TRPC5: variants seen among roughly 807,000 people sequenced by gnomAD.
TRPC5 encodes short transient receptor potential channel 5.
A neutral mutation model predicts 56.5 loss-of-function variants in TRPC5; 9 were observed. That is an observed-to-expected ratio of 0.16 (90% confidence interval 0.10 to 0.28). The LOEUF (loss-of-function observed/expected upper bound fraction) is 0.28, where lower values mean the gene tolerates loss of function less well. TRPC5 is among the 10% of genes least tolerant of loss of function. The pLI, the probability that TRPC5 is intolerant of heterozygous loss-of-function variation, is 1.00. For synonymous variants in TRPC5, 282 were observed against 278.5 expected, an observed-to-expected ratio of 1.01 and a Z score of -0.13; for missense variants, 469 against 748.9, an observed-to-expected ratio of 0.63 and a Z score of 4.36.
rs140460075 is a variant in TRPC5, at chrX:112,020,700, T to G, written c.-22+61179A>C. Among the ~76,000 whole-genome samples the G allele has an allele frequency of 1.2e-3, 131 of 111,842 alleles. 1 individual carries two copies. The highest frequency in any genetic ancestry group is 4.1e-3 in the African/African-American group (125 of 30,790). On this transcript the variant is annotated intron_variant, in intron 1 of 10. Transcript: ENST00000262839. ...GACCGTCAATGATCATATCTGACTCTGTCAAAGACTGAATTTAAAGGTATG... is the reference window on the plus strand; with the variant it reads ...GACCGTCAATGATCATATCTGACTCGGTCAAAGACTGAATTTAAAGGTATG...
At chrX:111,894,087 A>T (rs752127744) in intron 3 of TRPC5, among the ~76,000 whole-genome samples, 2 of 111,555 alleles carry the variant, frequency 1.8e-5, no homozygotes, top group East Asian at 5.6e-4. Flanking sequence ...TATGGAAAAA[A>T]ATTTTCCTGT....
At chrX:111,988,285 C>A (rs1461332140) in intron 1 of TRPC5, among the ~76,000 whole-genome samples, 2 of 111,537 alleles carry the variant, frequency 1.8e-5, no homozygotes, top group Non-Finnish European at 3.8e-5. Flanking sequence ...GAACAAGAAC[C>A]TGCTGACACC....
chrX:111,890,047 A>G (rs1422183646), intron 3 of TRPC5, among the ~76,000 whole-genome samples: 1 of 111,609 alleles, frequency 9.0e-6, no homozygotes, highest in Admixed American at 9.5e-5. Context: ...AGCCCTCTGT[A>G]TTGTGGGTTC....
intron 7 of TRPC5, among the ~76,000 whole-genome samples, chrX:111,831,268 G>C (rs1268052842): frequency 8.9e-6 from 1 of 112,394 alleles, no homozygotes; most frequent in African/African-American, 3.2e-5. Context: ...CAGTTGAGTA[G>C]CCATATCAGT....
intron 2 of TRPC5, among the ~76,000 whole-genome samples, chrX:111,945,233 T>C (rs966965615): frequency 1.8e-5 from 2 of 108,991 alleles, no homozygotes; most frequent in Non-Finnish European, 3.8e-5. Flanking sequence ...TAGTGGTTTC[T>C]ACAGTCAGTG....
chrX:112,033,672 T>G (rs994068925), intron 1 of TRPC5, among the ~76,000 whole-genome samples: 4 of 111,697 alleles, frequency 3.6e-5, no homozygotes, highest in Non-Finnish European at 7.5e-5. Context: ...GTTTTAGCTC[T>G]TATATTTAGG....
chrX:111,854,479 A>G (rs1923169435), intron 3 of TRPC5, among the ~76,000 whole-genome samples: 1 of 111,848 alleles, frequency 8.9e-6, no homozygotes, highest in Non-Finnish European at 1.9e-5. Flanking sequence ...AGGTCCTTCC[A>G]CAGACTGACT....
chrX:111,870,147 T>C (rs1010827011), intron 3 of TRPC5, among the ~76,000 whole-genome samples: 32 of 112,021 alleles, frequency 2.9e-4, no homozygotes, highest in Admixed American at 2.5e-3. Flanking sequence ...TGAGTCCCCA[T>C]GAAGTACCAA....
chrX:112,005,487 T>C lies in TRPC5; in HGVS notation c.-21-53046A>G, dbSNP rs1928815397. The stretch of plus-strand genomic sequence containing the variant: ...GTAAAAAAAAAAAAAAAAAAATATC[T>C]TACCAACTCCAGGGTCCCTCTCCCA... On this transcript the variant is annotated intron_variant, in intron 1 of 10. Coordinates refer to ENST00000262839, the MANE Select transcript of TRPC5 (RefSeq NM_012471.3). 2.0e-5 allele frequency among the ~76,000 whole-genome samples: 2 copies of C among 100,066 alleles called. 1 individual carries two copies. The highest frequency in any genetic ancestry group is 4.0e-5 in the Non-Finnish European group (2 of 50,193). The allele number at this position is 100,066 out of a possible 115,157, so 86.9% of individuals were successfully genotyped here. A position where few individuals can be genotyped will look rare whatever the true frequency, so the allele number is the denominator to read the frequency against.
intron 1 of TRPC5, among the ~76,000 whole-genome samples, chrX:112,001,803 T>C (rs1245253858): frequency 8.9e-6 from 1 of 111,765 alleles, no homozygotes; most frequent in Non-Finnish European, 1.9e-5. Context: ...TAGATGGAGA[T>C]TTTTGTTTGT....
At chrX:111,785,036 C>G (rs978896501) in intron 7 of TRPC5, among the ~76,000 whole-genome samples, 1 of 112,477 alleles carries the variant, frequency 8.9e-6, no homozygotes, top group Non-Finnish European at 1.9e-5. Context: ...TTAAACGTCC[C>G]TGTCTGACAG....
intron 7 of TRPC5, among the ~76,000 whole-genome samples, chrX:111,825,150 T>TTC (rs1569525904): frequency 0.05 from 876 of 17,407 alleles, 26 homozygotes; most frequent in African/African-American, 0.083. Context: ...TTCCTTCCTT[T>TTC]CTTTCTTTCT....
intron 3 of TRPC5, among the ~76,000 whole-genome samples, chrX:111,904,635 G>T (rs1216514241): frequency 2.7e-5 from 3 of 110,625 alleles, no homozygotes; most frequent in African/African-American, 9.9e-5. Flanking sequence ...GCCTGTTGGG[G>T]GCTGGGGTGG....
At chrX:112,029,888 C>T (rs1230555349) in intron 1 of TRPC5, among the ~76,000 whole-genome samples, 6 of 107,846 alleles carry the variant, frequency 5.6e-5, no homozygotes, top group Admixed American at 1.0e-4. Flanking sequence ...AGTGCAATGG[C>T]GCGATCTCGA....
At chrX:111,812,940 A>G (rs1163003436) in intron 7 of TRPC5, among the ~76,000 whole-genome samples, 4 of 112,378 alleles carry the variant, frequency 3.6e-5, no homozygotes, top group Admixed American at 2.8e-4. Context: ...ATACTTATCT[A>G]AAACTTTCCA....
At position 111,771,644 on chromosome X, in the gene TRPC5, A is replaced by G. The variant is rs1945843846; in HGVS notation, c.*4669T>C. 8.9e-6 allele frequency among the ~76,000 whole-genome samples: 1 copy of G among 111,878 alleles called. No individual in the cohort carries two copies. Among genetic ancestry groups the G allele is most frequent in the South Asian group, 3.7e-4 (1 of 2,679 alleles). On this transcript the variant is annotated 3_prime_UTR_variant, in exon 11 of 11. Transcript: ENST00000262839. The stretch of plus-strand genomic sequence containing the variant: ...TCCTAGGCCACGTACCAGCATATGA[A>G]TGAATATTAACACCTCAAGTATGCA...
intron 3 of TRPC5, among the ~76,000 whole-genome samples, chrX:111,859,123 A>T (rs762647813): frequency 1.5e-4 from 17 of 111,184 alleles, no homozygotes; most frequent in African/African-American, 5.6e-4. Context: ...GGCTTTTATG[A>T]TTTCCAGCTT....
chrX:111,929,537 T>C lies in TRPC5; in HGVS notation c.379-16725A>G, dbSNP rs895940193. Among the ~76,000 whole-genome samples the C allele has an allele frequency of 8.9e-5, 10 of 112,196 alleles. 1 individual carries two copies. In the Admixed American group the frequency reaches 9.5e-4, roughly 11 times the overall value. On this transcript the variant is annotated intron_variant, in intron 2 of 10. Transcript: ENST00000262839. ...CAGCTAAACAGTTATCCCTCACAAC[T>C]CCAGATGTTTTATGCTAGAAATGTG...
At chrX:111,951,419 G>A (rs754263851) in intron 2 of TRPC5, among the ~76,000 whole-genome samples, 80 of 111,968 alleles carry the variant, frequency 7.1e-4, no homozygotes, top group African/African-American at 2.2e-3. Flanking sequence ...CACAGGACTC[G>A]GGGATTGGAC....
Sources: gnomAD v4.1 joint callset for allele counts (sites outside exome capture counted in the v4.1 genomes callset) on GRCh38, gnomAD v4.1.1 for gene constraint, MANE v1.5 for transcripts, NCBI Gene and HGNC (gene_info 2026-07-23, HGNC 2026-07-21) for gene names.